AK4: variants seen among roughly 807,000 people sequenced by gnomAD.
AK4 encodes the protein adenylate kinase 4, mitochondrial.
A neutral mutation model predicts 24.6 loss-of-function variants in AK4; 13 were observed. That is an observed-to-expected ratio of 0.53 (90% CI 0.34 to 0.84). The LOEUF (loss-of-function observed/expected upper bound fraction) is 0.84, where lower values mean the gene tolerates loss of function less well. AK4 is among the 40% of genes least tolerant of loss of function. AK4 has a pLI of 0.01. For missense variants in AK4, 192 were observed against 288.2 expected (o/e 0.67, Z 2.42); for synonymous variants, 88 against 107.0 (o/e 0.82, Z 1.10).
chr1:65,152,402 T>A (rs1312224539), intron 1 of AK4, among the ~76,000 whole-genome samples: 22 of 87,264 alleles, frequency 2.5e-4, no homozygotes, highest in African/African-American at 6.6e-4. Flanking sequence ...TTTTTTTTTT[T>A]TTTTTTTTTT....
intron 1 of AK4, among the ~76,000 whole-genome samples, chr1:65,157,025 A>G (rs1650007732): frequency 6.6e-6 from 1 of 152,216 alleles, no homozygotes. Context: ...TGTGAAAATT[A>G]ACTATTTTCC....
intron 1 of AK4, among the ~76,000 whole-genome samples, chr1:65,175,995 G>C (rs935725392): frequency 6.6e-6 from 1 of 152,134 alleles, no homozygotes; most frequent in Admixed American, 6.6e-5. Flanking sequence ...CTTGACATAG[G>C]ACGTCCAAAA....
chr1:65,180,652 TCTTTCTTCA>T, intron 1 of AK4, among the ~76,000 whole-genome samples: 1 of 152,344 alleles, frequency 6.6e-6, no homozygotes, highest in East Asian at 1.9e-4. Context: ...TAGAATGAAG[TCTTTCTTCA>T]CTGTATTTTT....
In AK4 at chr1:65,161,801, G is replaced by A. The variant is rs78304609; in HGVS notation, c.145+13249G>A. ...AGACACCTCATATACCTTATGCCTT[G>A]TACCTGATATCTTCTGGAAGTACTC... On this transcript the variant is annotated intron_variant, in intron 1 of 4. Coordinates refer to ENST00000327299, the MANE Select transcript of AK4 (RefSeq NM_013410.4). Among the ~76,000 whole-genome samples, 985 of 152,248 alleles carry A rather than the reference G, an allele frequency of 6.5e-3. 8 individuals carry two copies. Among genetic ancestry groups the A allele is most frequent in the African/African-American group, 0.018 (744 of 41,540 alleles).
At chr1:65,199,249 CA>C (rs1342226945) in intron 2 of AK4, among the ~76,000 whole-genome samples, 3 of 151,930 alleles carry the variant, frequency 2.0e-5, no homozygotes, top group African/African-American at 7.2e-5. Context: ...GTTTGGTTTG[CA>C]TAAAAAAATT....
intron 1 of AK4, among the ~76,000 whole-genome samples, chr1:65,179,556 C>A (rs572882167): frequency 5.2e-4 from 79 of 152,258 alleles, no homozygotes; most frequent in Non-Finnish European, 9.3e-4. Flanking sequence ...TTTCTAGAAT[C>A]GGCCAGGTGT....
At chr1:65,212,128 C>A (rs572472303) in intron 2 of AK4, among the ~76,000 whole-genome samples, 1 of 152,112 alleles carries the variant, frequency 6.6e-6, no homozygotes, top group Non-Finnish European at 1.5e-5. Flanking sequence ...AGGACAGGGG[C>A]CCAGATGGGT....
At chr1:65,214,612 A>C (rs796569312) in intron 2 of AK4, among the ~76,000 whole-genome samples, 89 of 152,236 alleles carry the variant, frequency 5.8e-4, no homozygotes, top group African/African-American at 2.1e-3. Flanking sequence ...GCTTATACCT[A>C]ATGTGTTATT....
chr1:65,169,583 T>C (rs1368505559), intron 1 of AK4, among the ~76,000 whole-genome samples: 1 of 152,068 alleles, frequency 6.6e-6, no homozygotes, highest in Non-Finnish European at 1.5e-5. Context: ...CTGGCCAGGG[T>C]GAGGGGAGTG....
chr1:65,227,384 A>C lies in AK4; in HGVS notation c.*1207A>C, dbSNP rs960477990. The C allele has an allele frequency of 6.6e-5, 10 of 151,682 alleles. No individual in the cohort carries two copies. The highest frequency in any genetic ancestry group is 1.2e-4 in the Non-Finnish European group (8 of 67,796). 9.4% of individuals were successfully genotyped at this position (151,682 alleles called of 1,614,324 possible). On this transcript the variant is annotated 3_prime_UTR_variant, in exon 5 of 5. Coordinates refer to ENST00000327299, the MANE Select transcript of AK4 (RefSeq NM_013410.4). ...ATGATTATGAGAAAACAAATTCTTTATTTTTTTTTTCTGTTCCAAAGATTC... is the reference window on the plus strand; with the variant it reads ...ATGATTATGAGAAAACAAATTCTTTCTTTTTTTTTTCTGTTCCAAAGATTC...
chr1:65,182,424 A>G (rs17127378), intron 1 of AK4, among the ~76,000 whole-genome samples: 12,796 of 152,156 alleles, frequency 0.084, 731 homozygotes, highest in Admixed American at 0.21. Flanking sequence ...GACTTCTGGC[A>G]TGTACTTTTC....
At chr1:65,153,452 G>A (rs1649867904) in intron 1 of AK4, among the ~76,000 whole-genome samples, 1 of 151,966 alleles carries the variant, frequency 6.6e-6, no homozygotes, top group African/African-American at 2.4e-5. Flanking sequence ...TATTTTTTTG[G>A]TAGAGTTAGG....
intron 1 of AK4, among the ~76,000 whole-genome samples, chr1:65,187,381 G>A (rs569541768): frequency 1.2e-4 from 18 of 151,756 alleles, no homozygotes; most frequent in Admixed American, 1.1e-3. Context: ...AGTGTCCAGG[G>A]TAGGCAAATC....
upstream of AK4, chr1:65,147,728 A>C (rs919490329): frequency 6.6e-6 from 1 of 151,694 alleles, no homozygotes; most frequent in Non-Finnish European, 1.5e-5. Flanking sequence ...CGCGCGCCCC[A>C]TGGCCGGGGA....
chr1:65,205,133 A>G lies in AK4; in HGVS notation c.266-13621A>G, dbSNP rs116227754. Among the ~76,000 whole-genome samples, 402 of 152,202 alleles carry G rather than the reference A, an allele frequency of 2.6e-3. 6 individuals carry two copies. Among genetic ancestry groups the G allele is most frequent in the African/African-American group, 9.4e-3 (391 of 41,520 alleles). ...GCTCATAATATGTTTGAGAATGTCT[A>G]ATTTTTTAAAATTAGCTAACTGATA... On this transcript the variant is annotated intron_variant, in intron 2 of 4. Coordinates refer to ENST00000327299, the MANE Select transcript of AK4 (RefSeq NM_013410.4).
intron 1 of AK4, among the ~76,000 whole-genome samples, chr1:65,183,735 T>C (rs2101029900): frequency 6.6e-6 from 1 of 151,978 alleles, no homozygotes; most frequent in East Asian, 1.9e-4. Flanking sequence ...TAAAGAAATG[T>C]CATCTGCTTA....
rs539708782 is a variant in AK4 at position 65,187,426 on chromosome 1, G to A, written c.146-3284G>A. On this transcript the variant is annotated intron_variant, in intron 1 of 4. Transcript: ENST00000327299. ...AAAGATTGGTAGTTGCTGGGGGCGA[G>A]AGGGAGATGAGAAGAAGGAGTGACT... 9.2e-5 allele frequency among the ~76,000 whole-genome samples: 14 copies of A among 152,118 alleles called. No homozygotes were observed. The South Asian group carries it at 2.7e-3, about 29-fold the overall frequency.
Position 65,227,569 on chromosome 1 carries a change from AT to A in AK4, c.*1394del, listed in dbSNP as rs1286219336. 2.7e-5 allele frequency: 4 copies of A among 145,650 alleles called. No individual in the cohort carries two copies. The highest frequency in any genetic ancestry group is 3.0e-5 in the Non-Finnish European group (2 of 65,794). The allele number at this position is 145,650 out of a possible 1,614,324, so 9.0% of individuals were successfully genotyped here. On this transcript the variant is annotated 3_prime_UTR_variant, in exon 5 of 5. Transcript: ENST00000327299. ...TCTTCTGGGAAGGATGATGAAATTTATTCCTGCTGCCTTAAAAATATGTATC... is the reference window on the plus strand; with the variant it reads ...TCTTCTGGGAAGGATGATGAAATTTATCCTGCTGCCTTAAAAATATGTATC...
chr1:65,172,946 T>C (rs1650590283), intron 1 of AK4, among the ~76,000 whole-genome samples: 2 of 138,588 alleles, frequency 1.4e-5, no homozygotes, highest in South Asian at 4.8e-4. Context: ...CACTGCAACC[T>C]CCACTTTCCG....
Sources: gnomAD v4.1 joint callset for allele counts (sites outside exome capture counted in the v4.1 genomes callset) on GRCh38, gnomAD v4.1.1 for gene constraint, MANE v1.5 for transcripts, NCBI Gene and HGNC (gene_info 2026-07-23, HGNC 2026-07-21) for gene names.